The following FAM193A variants were observed in gnomAD, a reference collection of about 807,000 sequenced individuals.
FAM193A encodes the protein protein FAM193A.
A neutral mutation model predicts 126.5 loss-of-function variants in FAM193A; 22 were observed. That is an observed-to-expected ratio of 0.17 (90% CI 0.12 to 0.25). FAM193A has a LOEUF of 0.25. Ranked by LOEUF, FAM193A falls within the 10% of genes least tolerant of loss-of-function variation. The pLI, the probability that FAM193A is intolerant of heterozygous loss-of-function variation, is 1.00. For missense variants in FAM193A, 1,675 were observed against 1,672.8 expected (o/e 1.00, Z -0.02); for synonymous variants, 761 against 646.8 (o/e 1.18, Z -2.68).
At chr4:2,630,842 A>G in intron 4 of FAM193A, 93 bp from the exon 5 acceptor site, 13 of 690,094 alleles carry the variant, frequency 1.9e-5, no homozygotes, top group Admixed American at 7.6e-5. Flanking sequence ...AGAGGTGGCC[A>G]CCTGTGGAAG....
intron 5 of FAM193A, among the ~76,000 whole-genome samples, chr4:2,635,357 C>G (rs1202530788): frequency 6.6e-6 from 1 of 152,104 alleles, no homozygotes; most frequent in Admixed American, 6.6e-5. Context: ...CTTTTTTATG[C>G]AGACTTACAT....
Position 2,665,006 on chromosome 4 carries a change from C to G in FAM193A, c.2079+1718C>G, listed in dbSNP as rs149414803. On this transcript the variant is annotated intron_variant, in intron 12 of 20. Transcript: ENST00000637812. Reference sequence around the variant, plus strand: ...TTCTTGAATATATATTTAGAATTCTCCAGTGAAATCCTCTGGATGTGGTTG... The same window carrying G: ...TTCTTGAATATATATTTAGAATTCTGCAGTGAAATCCTCTGGATGTGGTTG... 3.2e-4 allele frequency among the ~76,000 whole-genome samples: 49 copies of G among 152,196 alleles called. No individual in the cohort carries two copies. The East Asian group carries it at 9.3e-3, about 29-fold the overall frequency.
chr4:2,626,336 C>T (rs933802662), intron 3 of FAM193A, 74 bp from the exon 4 acceptor site: 3 of 663,704 alleles, frequency 4.5e-6, no homozygotes, highest in Admixed American at 2.0e-5. Context: ...GGGAGGTCCT[C>T]TGAGGACAGT....
At chr4:2,651,265 G>A (rs1745635300) in intron 7 of FAM193A, among the ~76,000 whole-genome samples, 1 of 152,166 alleles carries the variant, frequency 6.6e-6, no homozygotes, top group South Asian at 2.1e-4. Context: ...GGGAGGCAGA[G>A]GTTGGGGTGA....
At chr4:2,693,511 G>C (rs933283078) in intron 15 of FAM193A, 75 bp from the exon 16 acceptor site, 2 of 1,420,330 alleles carry the variant, frequency 1.4e-6, no homozygotes, top group Non-Finnish European at 1.9e-6. Flanking sequence ...CTCTTTGTGT[G>C]TTCTTTCAGA....
At chr4:2,592,635 A>G (rs1740635438) in intron 1 of FAM193A, among the ~76,000 whole-genome samples, 1 of 152,206 alleles carries the variant, frequency 6.6e-6, no homozygotes, top group Non-Finnish European at 1.5e-5. Flanking sequence ...TCTGAAGGCT[A>G]GGACTTGGAG....
At chr4:2,706,162 T>A (rs13122980) in intron 19 of FAM193A, among the ~76,000 whole-genome samples, 4,907 of 152,246 alleles carry the variant, frequency 0.032, 94 homozygotes, top group South Asian at 0.069. Flanking sequence ...GAGCTATAAT[T>A]GTGCCATTGC....
At chr4:2,697,070 G>C (rs960041512) in intron 18 of FAM193A, among the ~76,000 whole-genome samples, 2 of 152,138 alleles carry the variant, frequency 1.3e-5, no homozygotes, top group African/African-American at 4.8e-5. Flanking sequence ...TTGTCCCACT[G>C]CTGTTCCAGA....
At chr4:2,654,206 G>A (rs1403217099) in intron 7 of FAM193A, among the ~76,000 whole-genome samples, 1 of 152,022 alleles carries the variant, frequency 6.6e-6, no homozygotes, top group Non-Finnish European at 1.5e-5. Context: ...TATGTATGTG[G>A]CAAGAGAGTT....
At chr4:2,622,257 CAAAAAA>C (rs71178493) in intron 2 of FAM193A, among the ~76,000 whole-genome samples, 1,383 of 55,600 alleles carry the variant, frequency 0.025, 29 homozygotes, top group African/African-American at 0.084. Flanking sequence ...ACCCTGTCTC[CAAAAAA>C]AAAAAAAAAA....
intron 1 of FAM193A, among the ~76,000 whole-genome samples, chr4:2,565,972 C>G (rs1164998877): frequency 6.6e-6 from 1 of 152,078 alleles, no homozygotes; most frequent in South Asian, 2.1e-4. Flanking sequence ...TCTAGCAAAT[C>G]CAGTATTTTT....
chr4:2,540,629 CAG>C (rs1338446625), intron 1 of FAM193A, among the ~76,000 whole-genome samples: 1 of 152,102 alleles, frequency 6.6e-6, no homozygotes, highest in African/African-American at 2.4e-5. Flanking sequence ...GCCTGGGTGA[CAG>C]AGTGAGACTC....
At chr4:2,647,342 C>T (rs536827626) in intron 7 of FAM193A, among the ~76,000 whole-genome samples, 1 of 152,030 alleles carries the variant, frequency 6.6e-6, no homozygotes, top group South Asian at 2.1e-4. Flanking sequence ...GACAGGGTTT[C>T]TCCATGTTGG....
chr4:2,721,804 T>G (rs4690032), intron 20 of FAM193A, among the ~76,000 whole-genome samples: 2 of 152,064 alleles, frequency 1.3e-5, no homozygotes, highest in Non-Finnish European at 2.9e-5. Flanking sequence ...TGTGCACGAC[T>G]AGAGGTTCTC....
At chr4:2,603,613 C>A (rs1227172701) in intron 2 of FAM193A, among the ~76,000 whole-genome samples, 1 of 150,900 alleles carries the variant, frequency 6.6e-6, no homozygotes, top group South Asian at 2.1e-4. Context: ...CATGCCACCA[C>A]GCCTGACTAA....
At chr4:2,582,989 ACGGAGTTTTGCT>A (rs1740037800) in intron 1 of FAM193A, among the ~76,000 whole-genome samples, 1 of 152,078 alleles carries the variant, frequency 6.6e-6, no homozygotes, top group South Asian at 2.1e-4. Flanking sequence ...ATTTTTTGAG[ACGGAGTTTTGCT>A]CTTGTCTCCC....
chr4:2,709,202 C>T (rs986453367), intron 19 of FAM193A, among the ~76,000 whole-genome samples: 3 of 152,046 alleles, frequency 2.0e-5, no homozygotes, highest in African/African-American at 7.2e-5. Context: ...CGATGTTTTA[C>T]ATTATTTGAT....
intron 20 of FAM193A, among the ~76,000 whole-genome samples, chr4:2,730,675 G>A (rs1721272871): frequency 2.0e-5 from 3 of 151,144 alleles, no homozygotes; most frequent in Non-Finnish European, 2.9e-5. Context: ...GGGCGACAGA[G>A]CAAGACTCCG....
chr4:2,590,506 C>CAAAAAA (rs150589938), intron 1 of FAM193A, among the ~76,000 whole-genome samples: 2 of 33,224 alleles, frequency 6.0e-5, no homozygotes, highest in Non-Finnish European at 1.1e-4. Context: ...CAAAAAAAAA[C>CAAAAAA]AAAAAAAAAA....
Sources: gnomAD v4.1 joint callset for allele counts (sites outside exome capture counted in the v4.1 genomes callset) on GRCh38, gnomAD v4.1.1 for gene constraint, MANE v1.5 for transcripts, NCBI Gene and HGNC (gene_info 2026-07-23, HGNC 2026-07-21) for gene names.